Variants in ADAMTS7 observed in about 807,000 individuals in gnomAD.
ADAMTS7 encodes A disintegrin and metalloproteinase with thrombospondin motifs 7.
A neutral mutation model predicts 172.6 loss-of-function variants in ADAMTS7; 89 were observed. The ratio of observed to expected loss-of-function variants is 0.52; its 90% CI spans 0.43 to 0.61. The LOEUF (loss-of-function observed/expected upper bound fraction) is 0.61. ADAMTS7 is among the 20% of genes least tolerant of loss of function. The pLI is 0.00. For synonymous variants in ADAMTS7, 885 were observed against 978.4 expected, an observed-to-expected ratio of 0.90 and a Z score of 1.78; for missense variants, 1,973 against 2,355.6, an observed-to-expected ratio of 0.84 and a Z score of 3.36.
In ADAMTS7 at chr15:78,764,551, G is replaced by T. The variant is rs753630568; in HGVS notation, c.4419+4C>A. On this transcript the variant is annotated splice_donor_region_variant and intron_variant, in intron 20 of 23. Transcript: ENST00000388820. Reference sequence around the variant, plus strand: ...ATGCCTGTCCTGGCTCCATCCTCACGCACCTTACTCCAGTTGCCTGAGTGC... The same window carrying T: ...ATGCCTGTCCTGGCTCCATCCTCACTCACCTTACTCCAGTTGCCTGAGTGC... 6.5e-7 allele frequency: 1 copy of T among 1,545,072 alleles called. No homozygotes were observed. Among genetic ancestry groups the T allele is most frequent in the Non-Finnish European group, 8.7e-7 (1 of 1,152,696 alleles).
intron 13 of ADAMTS7, among the ~76,000 whole-genome samples, chr15:78,773,787 A>G (rs1244038832): frequency 6.6e-6 from 1 of 152,186 alleles, no homozygotes; most frequent in Non-Finnish European, 1.5e-5. Flanking sequence ...AACCCCTTCT[A>G]TCAGGGAGCA....
intron 3 of ADAMTS7, 22 bp from the exon 4 acceptor site, chr15:78,796,808 A>G (rs1378230554): frequency 1.3e-6 from 2 of 1,592,334 alleles, no homozygotes; most frequent in Non-Finnish European, 1.7e-6. Context: ...GATGGGGTGG[A>G]GTTAGCTGCC....
At position 78,788,358 on chromosome 15, in the gene ADAMTS7, C is replaced by CATGCTGAA; in HGVS notation, c.1187_1194dup (p.Asp399PhefsTer75). On this transcript the variant is annotated frameshift_variant, in exon 8 of 24. Transcript: ENST00000388820. LOFTEE classifies it high-confidence loss of function. ...GGCTCACAGTCATTGCCGCTTCCGTCATGCTGAATGCCAAAACTGTGTGAG... is the reference window on the plus strand; with the variant it reads ...GGCTCACAGTCATTGCCGCTTCCGTCATGCTGAAATGCTGAATGCCAAAACTGTGTGAG... 1 of 1,612,970 alleles carries CATGCTGAA rather than the reference C, an allele frequency of 6.2e-7. No homozygotes were observed. Among genetic ancestry groups the CATGCTGAA allele is most frequent in the Non-Finnish European group, 8.5e-7 (1 of 1,179,986 alleles).
In ADAMTS7 at chr15:78,765,865, T is replaced by C; in HGVS notation, c.4046A>G (p.Glu1349Gly). The C allele has an allele frequency of 6.4e-7, 1 of 1,556,536 alleles. No individual in the cohort carries two copies. Among genetic ancestry groups the C allele is most frequent in the Non-Finnish European group, 8.7e-7 (1 of 1,146,706 alleles). ...TTLTGLGHMP[E>G]PALNPGPKGQ... ...CTTGGGTCCTGGGTTCAGGGCAGGC[T>C]CAGGCATGTGCCCGAGGCCAGTCAG... Residue 1349 changes from glutamate (E) to glycine (G), a missense_variant, in exon 19 of 24, where the codon GAG becomes GGG. Transcript: ENST00000388820.
chr15:78,766,649 G>C lies in ADAMTS7; in HGVS notation c.3262C>G (p.Leu1088Val), dbSNP rs1246642263. Residue 1088 changes from leucine to valine, a missense_variant, in exon 19 of 24, where the codon CTG (leucine) becomes GTG (valine). Around this residue, in one of 8 missense-constraint regions of ADAMTS7, gnomAD observed 771 missense variants for 952.6 expected, o/e 0.81. Coordinates refer to ENST00000388820, the MANE Select transcript of ADAMTS7 (RefSeq NM_014272.5). Reference sequence around the variant, plus strand: ...GGTGTCCGGTCCCCTGTCCCCGCCAGGTCTAGATCGGGCTCCTCAGAGGGC... The same window carrying C: ...GGTGTCCGGTCCCCTGTCCCCGCCACGTCTAGATCGGGCTCCTCAGAGGGC... ...YGPSEEPDLD[L>V]AGTGDRTPPP... 3 of 1,610,744 alleles carry C rather than the reference G, an allele frequency of 1.9e-6. No individual in the cohort carries two copies. The East Asian group carries it at 6.7e-5, about 36-fold the overall frequency.
intron 1 of ADAMTS7, among the ~76,000 whole-genome samples, chr15:78,809,854 C>T (rs977829762): frequency 4.6e-5 from 7 of 152,254 alleles, no homozygotes; most frequent in African/African-American, 1.7e-4. Flanking sequence ...GACTTTCCAT[C>T]ACTTGCTTTG....
intron 3 of ADAMTS7, among the ~76,000 whole-genome samples, chr15:78,797,213 G>A (rs1259157160): frequency 6.6e-6 from 1 of 152,184 alleles, no homozygotes; most frequent in East Asian, 1.9e-4. Context: ...CCCCAGCCTG[G>A]GGAGGCTGGC....
rs775825723 is a variant in ADAMTS7 at position 78,763,979 on chromosome 15, G to A, written c.4540C>T (p.Arg1514Trp). Residue 1514 changes from arginine (R) to tryptophan (W), a missense_variant, in exon 21 of 24, where the codon CGG becomes TGG. By Grantham distance (101) the Arg-to-Trp change is moderately radical. Transcript: ENST00000388820. ...QPGPAKPPAH[R>W]PCGAQPCLSW... ...AGGCAGGGCTGGGCCCCGCAGGGCC[G>A]GTGCGCAGGCGGCTTGGCAGGCCCG... 29 of 1,547,150 alleles carry A rather than the reference G, an allele frequency of 1.9e-5. No homozygotes were observed. Among genetic ancestry groups the A allele is most frequent in the East Asian group, 4.7e-5 (2 of 42,408 alleles).
chr15:78,776,733 T>G lies in ADAMTS7; in HGVS notation c.1560+16A>C, dbSNP rs1291438265. The G allele has an allele frequency of 6.5e-7, 1 of 1,546,620 alleles. No individual in the cohort carries two copies. Among genetic ancestry groups the G allele is most frequent in the East Asian group, 2.5e-5 (1 of 40,772 alleles). On this transcript the variant is annotated intron_variant, in intron 10 of 23. Coordinates refer to ENST00000388820, the MANE Select transcript of ADAMTS7 (RefSeq NM_014272.5). The stretch of plus-strand genomic sequence containing the variant: ...CCTCTCACACACCCACTGCCGGGAC[T>G]GGGGACATCCCCTACCTTATTCTCC...
intron 8 of ADAMTS7, among the ~76,000 whole-genome samples, chr15:78,778,985 C>T (rs187414260): frequency 6.6e-6 from 1 of 152,194 alleles, no homozygotes; most frequent in African/African-American, 2.4e-5. Flanking sequence ...ACTCCCGAAG[C>T]CCTGATTTCA....
In ADAMTS7 at chr15:78,788,273, G is replaced by A; in HGVS notation, c.1280C>T (p.Thr427Ile). Reference protein sequence around the residue: ...PQLLYDAAPLTWSRCSRQYIT... With the variant: ...PQLLYDAAPLIWSRCSRQYIT... ...ATACTGGCGGCTGCAGCGGGACCAG[G>A]TGAGGGGAGCGGCGTCGTACAGGAG... Residue 427 changes from threonine to isoleucine, a missense_variant, in exon 8 of 24, where the codon ACC becomes ATC. Physicochemically the swap from Thr to Ile is moderately conservative, Grantham distance 89. Transcript: ENST00000388820. The A allele has an allele frequency of 6.2e-7, 1 of 1,613,850 alleles. No individual in the cohort carries two copies. Among genetic ancestry groups the A allele is most frequent in the South Asian group, 1.1e-5 (1 of 91,070 alleles).
At position 78,764,311 on chromosome 15, in the gene ADAMTS7, G is replaced by A. The variant is rs1173471238; in HGVS notation, c.4420-212C>T. Among the ~76,000 whole-genome samples the A allele has an allele frequency of 3.9e-5, 6 of 152,370 alleles. No individual in the cohort carries two copies. The East Asian group carries it at 9.6e-4, about 24-fold the overall frequency. ...GGGCTGGGACAGACAGAGAAAGGGAGGAACAAAGGCAAGCTGGTGAAAGAC... is the reference window on the plus strand; with the variant it reads ...GGGCTGGGACAGACAGAGAAAGGGAAGAACAAAGGCAAGCTGGTGAAAGAC... On this transcript the variant is annotated intron_variant, in intron 20 of 23. Coordinates refer to ENST00000388820, the MANE Select transcript of ADAMTS7 (RefSeq NM_014272.5).
At chr15:78,764,994 C>T in intron 19 of ADAMTS7, 1 of 345,202 alleles carries the variant, frequency 2.9e-6, no homozygotes, top group Non-Finnish European at 5.2e-6. Context: ...CCTGTGGGCA[C>T]CCCGACCAGC....
chr15:78,798,220 A>T, intron 2 of ADAMTS7, 107 bp from the exon 3 acceptor site: 1 of 1,099,660 alleles, frequency 9.1e-7, no homozygotes, highest in Non-Finnish European at 1.3e-6. Flanking sequence ...TGCCCACACC[A>T]CCTGTGACTG....
chr15:78,785,347 C>T (rs575037825), intron 8 of ADAMTS7, among the ~76,000 whole-genome samples: 1 of 151,938 alleles, frequency 6.6e-6, no homozygotes, highest in Non-Finnish European at 1.5e-5. Context: ...GTCAGGAGTT[C>T]GAGACCAGCC....
chr15:78,794,562 T>A (rs759775429), intron 4 of ADAMTS7, among the ~76,000 whole-genome samples: 3 of 152,016 alleles, frequency 2.0e-5, no homozygotes, highest in Non-Finnish European at 4.4e-5. Flanking sequence ...TCCCACCCTC[T>A]CCCCGAGGAT....
At chr15:78,793,719 G>T (rs550245620) in intron 4 of ADAMTS7, among the ~76,000 whole-genome samples, 20 of 152,164 alleles carry the variant, frequency 1.3e-4, no homozygotes, top group Non-Finnish European at 2.8e-4. Flanking sequence ...TAGAGCGATG[G>T]CTCTCAACAA....
chr15:78,781,876 A>G (rs559511900), intron 8 of ADAMTS7, among the ~76,000 whole-genome samples: 106 of 152,324 alleles, frequency 7.0e-4, no homozygotes, highest in African/African-American at 2.3e-3. Flanking sequence ...TGAAATGCTT[A>G]CTGTGTGGCA....
chr15:78,759,934 C>T (rs1489592687), intron 23 of ADAMTS7, among the ~76,000 whole-genome samples: 2 of 152,170 alleles, frequency 1.3e-5, no homozygotes, highest in South Asian at 4.1e-4. Context: ...CCGGACAGAT[C>T]CTGGCACAGA....
Sources: gnomAD v4.1 joint callset for allele counts (sites outside exome capture counted in the v4.1 genomes callset) on GRCh38, gnomAD v4.1.1 for gene constraint, gnomAD v4.1.1 regional missense constraint, MANE v1.5 for transcripts, NCBI Gene and HGNC (gene_info 2026-07-23, HGNC 2026-07-21) for gene names.